NUDC: variants seen among roughly 807,000 people sequenced by gnomAD.
NUDC encodes nuclear migration protein nudC.
NUDC carries 14 observed loss-of-function variants against 45.0 expected under a neutral mutation model. The ratio of observed to expected loss-of-function variants is 0.31; its 90% CI spans 0.21 to 0.49. The LOEUF (loss-of-function observed/expected upper bound fraction) is 0.49, where lower values mean the gene tolerates loss of function less well. Among genes scored for constraint, NUDC ranks in the 20% least tolerant of loss-of-function variants. The probability of loss-of-function intolerance (pLI) is 0.99; values close to 1 mark genes in which losing one functional copy is unlikely to be tolerated. For missense variants in NUDC, 323 were observed against 426.2 expected (o/e 0.76, Z 2.13); for synonymous variants, 153 against 156.7 (o/e 0.98, Z 0.17).
At chr1:26,907,790 G>C (rs1413019732) in intron 2 of NUDC, among the ~76,000 whole-genome samples, 4 of 152,224 alleles carry the variant, frequency 2.6e-5, no homozygotes, top group Non-Finnish European at 4.4e-5. Flanking sequence ...GTCAACAGTG[G>C]CTGAGCTGGT....
upstream of NUDC, among the ~76,000 whole-genome samples, chr1:26,919,328 G>A (rs1057419099): frequency 6.6e-6 from 1 of 152,052 alleles, no homozygotes; most frequent in East Asian, 1.9e-4. Context: ...CATGTGCCAT[G>A]TTGGTGTGCT....
Position 26,945,377 on chromosome 1 carries a change from G to T in NUDC, c.742-13G>T, listed in dbSNP as rs1170448328. On this transcript the variant is annotated splice_polypyrimidine_tract_variant and intron_variant, in intron 6 of 8. Coordinates refer to ENST00000321265, the MANE Select transcript of NUDC (RefSeq NM_006600.4). ...GCAGGCCACCTCCCACCCTCTGGTTGTTCTCTTCACAGATCAATAAGATGG... is the reference window on the plus strand; with the variant it reads ...GCAGGCCACCTCCCACCCTCTGGTTTTTCTCTTCACAGATCAATAAGATGG... The T allele has an allele frequency of 2.0e-5, 33 of 1,612,988 alleles. No homozygotes were observed. Among genetic ancestry groups the T allele is most frequent in the Non-Finnish European group, 2.6e-5 (31 of 1,179,192 alleles).
intron 3 of NUDC, chr1:26,913,936 C>T: frequency 2.0e-6 from 3 of 1,475,024 alleles, no homozygotes; most frequent in Non-Finnish European, 2.7e-6. Flanking sequence ...TTGGCTGGTG[C>T]TCATGGTTAG....
At chr1:26,939,829 C>A (rs2082263085) in intron 2 of NUDC, among the ~76,000 whole-genome samples, 1 of 152,178 alleles carries the variant, frequency 6.6e-6, no homozygotes, top group Admixed American at 6.5e-5. Flanking sequence ...CCAGGTGATG[C>A]TGATGCTGCA....
chr1:26,910,210 T>A (rs1471603751), intron 2 of NUDC, among the ~76,000 whole-genome samples: 2 of 152,138 alleles, frequency 1.3e-5, no homozygotes, highest in African/African-American at 4.8e-5. Flanking sequence ...TGAGTGACTG[T>A]ATCTGGGCAG....
At chr1:26,945,060 A>G in intron 6 of NUDC, 1 of 363,238 alleles carries the variant, frequency 2.8e-6, no homozygotes, top group Non-Finnish European at 5.2e-6. Context: ...ATATATATTT[A>G]TTTTCTTCCC....
intron 3 of NUDC, among the ~76,000 whole-genome samples, chr1:26,912,326 G>C (rs1202416658): frequency 2.0e-5 from 3 of 152,128 alleles, no homozygotes; most frequent in Non-Finnish European, 2.9e-5. Context: ...GGCTTCCTGG[G>C]TATGAATCCC....
intron 2 of NUDC, among the ~76,000 whole-genome samples, chr1:26,903,736 C>T (rs963543995): frequency 3.3e-5 from 5 of 152,090 alleles, no homozygotes; most frequent in East Asian, 1.9e-4. Flanking sequence ...ATAAGCCGGG[C>T]GCGGTGGCTC....
intron 1 of NUDC, 69 bp from the exon 2 acceptor site, chr1:26,924,020 T>C: frequency 7.1e-7 from 1 of 1,412,758 alleles, no homozygotes; most frequent in Non-Finnish European, 1.0e-6. Flanking sequence ...ACAAAACAAG[T>C]TGACTTGTGT....
Position 26,921,812 on chromosome 1 carries a change from A to G in NUDC, c.-37A>G. ...AGGAGCGTAGAGAGCGCGGGACTAG[A>G]GTGCAGAGCTCCGGGACGTGGATCG... On this transcript the variant is annotated 5_prime_UTR_variant, in exon 1 of 9. Transcript: ENST00000321265. 6.5e-7 allele frequency: 1 copy of G among 1,545,262 alleles called. No homozygotes were observed. Among genetic ancestry groups the G allele is most frequent in the East Asian group, 2.4e-5 (1 of 40,914 alleles).
chr1:26,913,547 T>C, intron 3 of NUDC: 1 of 1,614,056 alleles, frequency 6.2e-7, no homozygotes, highest in Non-Finnish European at 8.5e-7. Flanking sequence ...AGTTGGCCAC[T>C]GCCTCCACTG....
chr1:26,937,175 G>A (rs569160375), intron 2 of NUDC, among the ~76,000 whole-genome samples: 129 of 152,034 alleles, frequency 8.5e-4, no homozygotes, highest in African/African-American at 3.0e-3. Flanking sequence ...TATGGGGGTG[G>A]GGCCTGGAGC....
intron 2 of NUDC, among the ~76,000 whole-genome samples, chr1:26,933,948 A>T (rs1316466073): frequency 1.3e-5 from 2 of 152,060 alleles, no homozygotes; most frequent in Admixed American, 6.6e-5. Flanking sequence ...AGGTCAGGAG[A>T]TCAAGAACAT....
At chr1:26,942,046 C>G (rs2082282148) in intron 4 of NUDC, among the ~76,000 whole-genome samples, 1 of 152,166 alleles carries the variant, frequency 6.6e-6, no homozygotes, top group East Asian at 1.9e-4. Context: ...GTAATCCCAG[C>G]ACTTTGGGAG....
chr1:26,920,651 G>C (rs1248643681), upstream of NUDC, among the ~76,000 whole-genome samples: 2 of 152,026 alleles, frequency 1.3e-5, no homozygotes, highest in Non-Finnish European at 2.9e-5. Flanking sequence ...GCTGGGCATG[G>C]TGGCTCACAC....
chr1:26,921,585 G>T, upstream of NUDC: 1 of 558,458 alleles, frequency 1.8e-6, no homozygotes, highest in Non-Finnish European at 3.2e-6. Context: ...CTACCGCTTC[G>T]TGGACGCGCT....
chr1:26,911,441 G>A, intron 3 of NUDC: 1 of 344,312 alleles, frequency 2.9e-6, no homozygotes, highest in South Asian at 2.3e-5. Flanking sequence ...GGGCCCTGGA[G>A]GTGAGACAGT....
chr1:26,942,318 C>G (rs1421964444), intron 4 of NUDC, among the ~76,000 whole-genome samples: 2 of 152,136 alleles, frequency 1.3e-5, no homozygotes, highest in Admixed American at 1.3e-4. Flanking sequence ...ACCGACTGAC[C>G]TTAACCTGTT....
chr1:26,932,308 C>A (rs1462771207), intron 2 of NUDC, among the ~76,000 whole-genome samples: 1 of 151,816 alleles, frequency 6.6e-6, no homozygotes, highest in African/African-American at 2.4e-5. Context: ...TCCTGAGTAG[C>A]TGGGATTACA....
Sources: allele counts gnomAD v4.1 joint callset (sites outside exome capture counted in the v4.1 genomes callset), GRCh38; gene constraint gnomAD v4.1.1; transcripts MANE v1.5; gene names NCBI Gene and HGNC (gene_info 2026-07-23, HGNC 2026-07-21).